The following CMPK2 variants were observed in gnomAD, a reference collection of about 807,000 sequenced individuals.
The protein encoded by CMPK2 is UMP-CMP kinase 2, mitochondrial.
CMPK2 carries 32 observed loss-of-function variants against 33.4 expected under a neutral mutation model. The ratio of observed to expected loss-of-function variants is 0.96; its 90% CI spans 0.72 to 1.29. The LOEUF (loss-of-function observed/expected upper bound fraction) is 1.29, where lower values mean the gene tolerates loss of function less well. Among genes scored for constraint, CMPK2 ranks in the 50% most tolerant of loss-of-function variants. The probability of loss-of-function intolerance (pLI) is 0.00; values close to 1 mark genes in which losing one functional copy is unlikely to be tolerated. For missense variants in CMPK2, 672 were observed against 616.0 expected, an observed-to-expected ratio of 1.09 and a Z score of -0.96; for synonymous variants, 299 against 275.3, an observed-to-expected ratio of 1.09 and a Z score of -0.85.
At chr2:6,853,625 C>T (rs1182414854) in intron 3 of CMPK2, among the ~76,000 whole-genome samples, 1 of 152,114 alleles carries the variant, frequency 6.6e-6, no homozygotes, top group Non-Finnish European at 1.5e-5. Flanking sequence ...CACAGGACAG[C>T]ACTGAAAAGG....
chr2:6,848,616 G>T lies in CMPK2; in HGVS notation c.*1234C>A. On this transcript the variant is annotated 3_prime_UTR_variant, in exon 5 of 5. Coordinates refer to ENST00000256722, the MANE Select transcript of CMPK2 (RefSeq NM_207315.4). ...ATTAGAATTTAAGATTCTATATGCA[G>T]ACCTGATAAAGCCTTAAATTTAATT... 7 of 963,244 alleles carry T rather than the reference G, an allele frequency of 7.3e-6. No individual in the cohort carries two copies. The highest frequency in any genetic ancestry group is 8.6e-6 in the Non-Finnish European group (7 of 809,550). 59.7% of individuals were successfully genotyped at this position (963,244 alleles called of 1,614,324 possible). A position where few individuals can be genotyped will look rare whatever the true frequency, so the allele number is the denominator to read the frequency against.
chr2:6,840,697 A>T, intron 3 of CMPK2: 1 of 701,828 alleles, frequency 1.4e-6, no homozygotes. Context: ...GGGAAAAGAG[A>T]GGAAAAATCC....
At chr2:6,862,394 C>T (rs557483762) in intron 2 of CMPK2, among the ~76,000 whole-genome samples, 1 of 152,342 alleles carries the variant, frequency 6.6e-6, no homozygotes, top group African/African-American at 2.4e-5. Flanking sequence ...GATGCAAATG[C>T]AGGGCAGACG....
chr2:6,866,398 G>A (rs1163872466), upstream of CMPK2: 2 of 976,792 alleles, frequency 2.0e-6, no homozygotes, highest in South Asian at 4.7e-5. Flanking sequence ...ACTCACCTGT[G>A]CACACACTCA....
chr2:6,865,214 C>G lies in CMPK2; in HGVS notation c.483G>C (p.Leu161Phe). 6.5e-7 allele frequency: 1 copy of G among 1,534,530 alleles called. No individual in the cohort carries two copies. Among genetic ancestry groups the G allele is most frequent in the South Asian group, 1.2e-5 (1 of 83,774 alleles). ...CGCGCGGGTCGGCCTCGAACTCGCC[C>G]AAGTGCGGGCGTGGTGCCTCCTGAC... Reference protein sequence around the residue: ...GACQEAPRPHLGEFEADPRGQ... With the variant: ...GACQEAPRPHFGEFEADPRGQ... Residue 161 changes from leucine (L) to phenylalanine (F), a missense_variant, in exon 1 of 5, where the codon TTG (leucine) becomes TTC (phenylalanine). Leu to Phe is a conservative substitution (Grantham distance 22). Coordinates refer to ENST00000256722, the MANE Select transcript of CMPK2 (RefSeq NM_207315.4).
Position 6,865,629 on chromosome 2 carries a change from C to A in CMPK2, c.68G>T (p.Cys23Phe). 1 of 1,369,564 alleles carries A rather than the reference C, an allele frequency of 7.3e-7. No homozygotes were observed. The allele number at this position is 1,369,564 out of a possible 1,614,324, so 84.8% of individuals were successfully genotyped here. A position where few individuals can be genotyped will look rare whatever the true frequency, so the allele number is the denominator to read the frequency against. Residue 23 changes from cysteine to phenylalanine, a missense_variant, in exon 1 of 5, where the codon TGC becomes TTC. Transcript: ENST00000256722. Reference sequence around the variant, plus strand: ...GCGCGGCGGAGCCATGGCCCCAGCGCAGACCCCGCGCCGCCCGAGCAGCGG... The same window carrying A: ...GCGCGGCGGAGCCATGGCCCCAGCGAAGACCCCGCGCCGCCCGAGCAGCGG... ...SGPLLGRRGV[C>F]AGAMAPPRRF...
At chr2:6,865,960 G>A (rs1663075403), upstream of CMPK2, 2 of 1,180,718 alleles carry the variant, frequency 1.7e-6, no homozygotes, top group Non-Finnish European at 1.1e-6. Flanking sequence ...GGGGCCCCAG[G>A]TGCGCGGCTC....
At position 6,851,445 on chromosome 2, in the gene CMPK2, C is replaced by A. The variant is rs1662519371; in HGVS notation, c.1226+5G>T. 1 of 1,614,200 alleles carries A rather than the reference C, an allele frequency of 6.2e-7. No homozygotes were observed. Among genetic ancestry groups the A allele is most frequent in the Non-Finnish European group, 8.5e-7 (1 of 1,180,028 alleles). On this transcript the variant is annotated splice_donor_5th_base_variant and intron_variant, in intron 4 of 4. Coordinates refer to ENST00000256722, the MANE Select transcript of CMPK2 (RefSeq NM_207315.4). ...GCTCACATTGCATTGCACTGGGACACCTACTTTTGACGAAACACACTGTTG... is the reference window on the plus strand; with the variant it reads ...GCTCACATTGCATTGCACTGGGACAACTACTTTTGACGAAACACACTGTTG...
intron 3 of CMPK2, among the ~76,000 whole-genome samples, chr2:6,855,096 G>C (rs969126569): frequency 4.0e-5 from 6 of 151,388 alleles, no homozygotes; most frequent in South Asian, 2.1e-4. Flanking sequence ...AGGGTATTAG[G>C]TTGGTGCAAA....
intron 4 of CMPK2, chr2:6,850,662 G>A (rs1341451150): frequency 6.4e-6 from 5 of 777,572 alleles, no homozygotes; most frequent in East Asian, 1.3e-4. Flanking sequence ...CCTTGCAAAT[G>A]TTCACTGAAG....
chr2:6,845,204 T>G (rs969340065), downstream of CMPK2, among the ~76,000 whole-genome samples: 1 of 152,040 alleles, frequency 6.6e-6, no homozygotes, highest in African/African-American at 2.4e-5. Context: ...AAAAAAGACT[T>G]CCCTCAGAAA....
At chr2:6,851,026 C>A (rs913511070) in intron 4 of CMPK2, 9 of 1,026,410 alleles carry the variant, frequency 8.8e-6, no homozygotes, top group Non-Finnish European at 1.1e-5. Context: ...CTGTAAAATA[C>A]GGCTAATGTT....
At chr2:6,851,746 T>C in intron 3 of CMPK2, 63 bp from the exon 4 acceptor site, 1 of 1,502,768 alleles carries the variant, frequency 6.7e-7, no homozygotes, top group Non-Finnish European at 9.1e-7. Context: ...CATCTGAAAA[T>C]CAGCAGCCAG....
At chr2:6,855,291 G>C (rs573253036) in intron 3 of CMPK2, among the ~76,000 whole-genome samples, 3 of 148,794 alleles carry the variant, frequency 2.0e-5, no homozygotes, top group Non-Finnish European at 4.5e-5. Flanking sequence ...AAAATGTGTA[G>C]CACTTCCCCC....
Position 6,849,838 on chromosome 2 carries a change from T to C in CMPK2, c.*12A>G, listed in dbSNP as rs367628383. 1.9e-5 allele frequency: 31 copies of C among 1,613,668 alleles called. 1 individual carries two copies. Among genetic ancestry groups the C allele is most frequent in the South Asian group, 1.6e-4 (15 of 90,952 alleles). ...ATCTAATCTAGTTAGACGTGGCACC[T>C]GGCCAGAGTAACTACGGTTCACTAA... On this transcript the variant is annotated 3_prime_UTR_variant, in exon 5 of 5. Transcript: ENST00000256722.
At chr2:6,850,846 ATG>A in intron 4 of CMPK2, 2 of 988,470 alleles carry the variant, frequency 2.0e-6, no homozygotes, top group Non-Finnish European at 2.4e-6. Flanking sequence ...ATACTCAGTC[ATG>A]AGGCAGGAGG....
chr2:6,840,604 A>T lies in CMPK2; in HGVS notation c.1067T>A (p.Leu356Ter). ...GCCTTGACTCGAGTGTGATGAATCC[A>T]AGATTCCAGTCCCACAAACTTCACT... Residue 356 changes from leucine to a stop codon, truncating the protein, a stop_gained, in exon 4 of 4, where the codon TTG becomes TAG. Coordinates refer to the CMPK2 transcript ENST00000458098. LOFTEE classifies it high-confidence loss of function. 2 of 702,294 alleles carry T rather than the reference A, an allele frequency of 2.8e-6. No homozygotes were observed. The highest frequency in any genetic ancestry group is 1.7e-5 in the African/African-American group (1 of 57,338). The allele number at this position is 702,294 out of a possible 1,614,324, so 43.5% of individuals were successfully genotyped here.
At chr2:6,847,057 G>A (rs1662380443), downstream of CMPK2, among the ~76,000 whole-genome samples, 1 of 152,162 alleles carries the variant, frequency 6.6e-6, no homozygotes, top group South Asian at 2.1e-4. Flanking sequence ...CAGCAGAAGG[G>A]GGAGCTCTAA....
At chr2:6,842,476 A>T (rs1662258055) in intron 3 of CMPK2, among the ~76,000 whole-genome samples, 1 of 152,200 alleles carries the variant, frequency 6.6e-6, no homozygotes, top group Non-Finnish European at 1.5e-5. Context: ...TTCAGAGGCA[A>T]GCTGGCCATC....
Sources: gnomAD v4.1 joint callset for allele counts (sites outside exome capture counted in the v4.1 genomes callset) on GRCh38, gnomAD v4.1.1 for gene constraint, MANE v1.5 for transcripts, NCBI Gene and HGNC (gene_info 2026-07-23, HGNC 2026-07-21) for gene names.